BARX2: variants seen among roughly 807,000 people sequenced by gnomAD.
BARX2 encodes homeobox protein BarH-like 2.
Under a neutral mutation model 25.5 loss-of-function variants are expected in BARX2, and 11 were observed. That is an observed-to-expected ratio of 0.43 (90% confidence interval 0.27 to 0.71). The LOEUF (loss-of-function observed/expected upper bound fraction) is 0.71. Ranked by LOEUF, BARX2 falls within the 30% of genes least tolerant of loss-of-function variation. The pLI is 0.19. For synonymous variants in BARX2, 137 were observed against 149.5 expected (o/e 0.92, Z 0.61); for missense variants, 360 against 359.9 (o/e 1.00, Z 0.00).
intron 3 of BARX2, among the ~76,000 whole-genome samples, chr11:129,447,983 C>T (rs542702982): frequency 2.0e-5 from 3 of 152,288 alleles, no homozygotes; most frequent in African/African-American, 7.2e-5. Flanking sequence ...ACGTCTTCTC[C>T]CCAGGGTTGG....
intron 1 of BARX2, among the ~76,000 whole-genome samples, chr11:129,381,374 TGTTTG>T (rs1861562154): frequency 6.6e-6 from 1 of 151,966 alleles, no homozygotes; most frequent in Non-Finnish European, 1.5e-5. Context: ...AGCCCTTCTT[TGTTTG>T]TTTTGTTTTG....
chr11:129,384,092 T>G (rs944780670), intron 1 of BARX2, among the ~76,000 whole-genome samples: 1 of 152,142 alleles, frequency 6.6e-6, no homozygotes, highest in African/African-American at 2.4e-5. Flanking sequence ...CAGGCTGGTC[T>G]CAAATTCCCA....
At chr11:129,413,013 A>G (rs1434793593) in intron 1 of BARX2, among the ~76,000 whole-genome samples, 5 of 151,922 alleles carry the variant, frequency 3.3e-5, no homozygotes, top group African/African-American at 1.2e-4. Context: ...GTGCAGTGGG[A>G]GTTTGAAGAG....
intron 1 of BARX2, among the ~76,000 whole-genome samples, chr11:129,392,006 C>T (rs1861671111): frequency 1.3e-5 from 2 of 152,184 alleles, no homozygotes; most frequent in South Asian, 4.1e-4. Flanking sequence ...ATCACATCGC[C>T]ACAGCTCTGT....
chr11:129,450,820 G>A (rs1459888444), intron 3 of BARX2, among the ~76,000 whole-genome samples: 1 of 151,992 alleles, frequency 6.6e-6, no homozygotes, highest in Admixed American at 6.5e-5. Flanking sequence ...TTTTTAGCTT[G>A]TCAACTTGAT....
chr11:129,383,789 C>T (rs755970895), intron 1 of BARX2, among the ~76,000 whole-genome samples: 13 of 152,136 alleles, frequency 8.5e-5, no homozygotes, highest in East Asian at 1.9e-4. Context: ...TCCTTTTTAC[C>T]GCGTCTTTCC....
chr11:129,426,936 T>C (rs1250764298), intron 1 of BARX2, among the ~76,000 whole-genome samples: 1 of 152,186 alleles, frequency 6.6e-6, no homozygotes, highest in African/African-American at 2.4e-5. Context: ...TCTCGGTATA[T>C]GGCTGCAAGG....
intron 3 of BARX2, 46 bp downstream of exon 3, chr11:129,442,965 C>T: frequency 6.5e-7 from 1 of 1,526,838 alleles, no homozygotes; most frequent in African/African-American, 1.4e-5. Context: ...ATGGGAAGGA[C>T]TTTTACTCCA....
intron 3 of BARX2, among the ~76,000 whole-genome samples, chr11:129,443,453 G>A (rs963318862): frequency 2.6e-5 from 4 of 152,112 alleles, no homozygotes; most frequent in Non-Finnish European, 5.9e-5. Context: ...CTCTAACGCA[G>A]TGATCCTCAA....
intron 1 of BARX2, among the ~76,000 whole-genome samples, chr11:129,393,228 C>T (rs1458393366): frequency 6.6e-6 from 1 of 152,066 alleles, no homozygotes; most frequent in African/African-American, 2.4e-5. Context: ...GAGGAAAATC[C>T]TATATCTAAA....
At chr11:129,439,690 C>T (rs756244366) in intron 2 of BARX2, among the ~76,000 whole-genome samples, 8 of 152,148 alleles carry the variant, frequency 5.3e-5, no homozygotes, top group Non-Finnish European at 1.2e-4. Context: ...TTTGGAGTGT[C>T]TTTGGGCAGA....
intron 3 of BARX2, among the ~76,000 whole-genome samples, chr11:129,447,606 G>T (rs1000281419): frequency 2.0e-5 from 3 of 152,212 alleles, no homozygotes; most frequent in Admixed American, 1.3e-4. Flanking sequence ...CAAGAGGGTA[G>T]TTATCTCCTA....
intron 1 of BARX2, among the ~76,000 whole-genome samples, chr11:129,411,652 A>G (rs1330788495): frequency 3.3e-5 from 5 of 152,224 alleles, no homozygotes; most frequent in Admixed American, 3.3e-4. Context: ...CAACTTGCCA[A>G]TTAGCAAGTC....
chr11:129,378,266 A>G (rs1445053124), intron 1 of BARX2, among the ~76,000 whole-genome samples: 1 of 152,216 alleles, frequency 6.6e-6, no homozygotes, highest in Non-Finnish European at 1.5e-5. Context: ...TTGCTGGTGG[A>G]ATTAAACCCA....
At chr11:129,442,960 A>G in intron 3 of BARX2, 41 bp downstream of exon 3, 1 of 1,567,588 alleles carries the variant, frequency 6.4e-7, no homozygotes, top group Non-Finnish European at 8.8e-7. Context: ...TCCTGATGGG[A>G]AGGACTTTTA....
intron 3 of BARX2, among the ~76,000 whole-genome samples, chr11:129,449,003 G>A (rs1486575993): frequency 1.3e-5 from 2 of 152,228 alleles, no homozygotes; most frequent in East Asian, 3.8e-4. Context: ...GAGACAGAAA[G>A]CAGACTAGTG....
Position 129,390,713 on chromosome 11 carries a change from G to A in BARX2, c.187+14491G>A, listed in dbSNP as rs189563452. On this transcript the variant is annotated intron_variant, in intron 1 of 3. Transcript: ENST00000281437. The surrounding 1 kb of genome is among the most constrained non-coding windows in gnomAD (Gnocchi z 4.3). ...CCCTGTGAGTACGTGCTTATTTTCA[G>A]AGGCGTTCCCCATAACTGACAGCAG... Among the ~76,000 whole-genome samples the A allele has an allele frequency of 2.4e-3, 363 of 152,342 alleles. 3 individuals are homozygous for A. Among genetic ancestry groups the A allele is most frequent in the Non-Finnish European group, 3.5e-3 (239 of 68,030 alleles).
chr11:129,427,817 G>T (rs1862083130), intron 1 of BARX2, among the ~76,000 whole-genome samples: 1 of 152,318 alleles, frequency 6.6e-6, no homozygotes, highest in Non-Finnish European at 1.5e-5. Context: ...AGCAACCCTG[G>T]AGTGGGTACA....
chr11:129,413,890 C>G (rs933416500), intron 1 of BARX2, among the ~76,000 whole-genome samples: 1 of 151,918 alleles, frequency 6.6e-6, no homozygotes, highest in African/African-American at 2.4e-5. Context: ...GGTGAAAACC[C>G]GTCTCTACTA....
Sources: gnomAD v4.1 joint callset for allele counts (sites outside exome capture counted in the v4.1 genomes callset) on GRCh38, gnomAD v4.1.1 for gene constraint, Gnocchi (gnomAD v3.1) non-coding constraint, MANE v1.5 for transcripts, NCBI Gene and HGNC (gene_info 2026-07-23, HGNC 2026-07-21) for gene names.